ADAD2: variants seen among roughly 807,000 people sequenced by gnomAD.
The protein encoded by ADAD2 is adenosine deaminase domain containing 2.
ADAD2 carries 60 observed loss-of-function variants against 54.5 expected under a neutral mutation model. That is an observed-to-expected ratio of 1.10 (90% CI 0.89 to 1.36). The LOEUF (loss-of-function observed/expected upper bound fraction) is 1.36, where lower values mean the gene tolerates loss of function less well. Ranked by LOEUF, ADAD2 falls within the 40% of genes most tolerant of loss-of-function variation. The pLI is 0.00. For synonymous variants in ADAD2, 543 were observed against 366.2 expected, an observed-to-expected ratio of 1.48 and a Z score of -5.51; for missense variants, 1,103 against 801.3, an observed-to-expected ratio of 1.38 and a Z score of -4.54.
rs771560993 is a variant in ADAD2, at chr16:84,195,956, C to G, written c.1194C>G (p.Asp398Glu). ...DTHVGCLSASDKLARWAVLGL... is the reference protein window; with the variant it reads ...DTHVGCLSASEKLARWAVLGL... ...ACGTGGGCTGCCTGTCAGCCAGTGA[C>G]AAGCTGGCACGCTGGGCCGTGCTGG... Residue 398 changes from aspartate to glutamate, a missense_variant, in exon 7 of 10, where the codon GAC becomes GAG. Transcript: ENST00000315906. 6 of 1,599,126 alleles carry G rather than the reference C, an allele frequency of 3.8e-6. No individual in the cohort carries two copies. The Admixed American group carries it at 6.7e-5, about 18-fold the overall frequency.
intron 8 of ADAD2, 114 bp downstream of exon 8, chr16:84,196,484 CG>C: frequency 4.9e-6 from 3 of 606,630 alleles, no homozygotes; most frequent in Non-Finnish European, 6.8e-6. Flanking sequence ...TCAACCCCTT[CG>C]CTCAACCCCT....
rs200913346 is a variant in ADAD2 at position 84,196,710 on chromosome 16, G to A, written c.1590G>A (p.Ala530=). 285 of 1,613,150 alleles carry A rather than the reference G, an allele frequency of 1.8e-4. No homozygotes were observed. Among genetic ancestry groups the A allele is most frequent in the Non-Finnish European group, 2.3e-4 (270 of 1,179,970 alleles). ...KASFLRAFHQ[A]ARAVGKPYLL... is the part of the protein sequence containing the mutation. ...CCTTTCTCCGGGCCTTTCACCAGGC[G>A]GCCAGGGCTGTGGGGAAGCCCTACC... is the stretch of plus-strand genomic sequence containing the variant. Residue 530 remains alanine, a synonymous_variant, in exon 9 of 10, where the codon GCG becomes GCA. Coordinates refer to ENST00000315906, the MANE Select transcript of ADAD2 (RefSeq NM_001145400.2).
rs140974080 is a variant in ADAD2 at position 84,195,457 on chromosome 16, G to C, written c.884+11G>C. ...CAGGGCCCTGCTGAGGTGAGGGGCA[G>C]TGGGGTGGGCGCCTGATAGCAGCCT... On this transcript the variant is annotated intron_variant, in intron 5 of 9. Coordinates refer to ENST00000315906, the MANE Select transcript of ADAD2 (RefSeq NM_001145400.2). The C allele has an allele frequency of 8.3e-3, 13,414 of 1,607,784 alleles. 91 individuals are homozygous for C. Among genetic ancestry groups the C allele is most frequent in the South Asian group, 0.015 (1,401 of 90,976 alleles).
chr16:84,194,158 A>C (rs1450528315), intron 1 of ADAD2: 2 of 1,608,042 alleles, frequency 1.2e-6, no homozygotes, highest in Non-Finnish European at 1.7e-6. Context: ...AAGTTGGGCA[A>C]ACCGCCTGCC....
In ADAD2 at chr16:84,195,350, G is replaced by T. The variant is rs368081580; in HGVS notation, c.788G>T (p.Gly263Val). 14 of 1,609,262 alleles carry T rather than the reference G, an allele frequency of 8.7e-6. No individual in the cohort carries two copies. Among genetic ancestry groups the T allele is most frequent in the Non-Finnish European group, 1.1e-5 (13 of 1,179,506 alleles). Residue 263 changes from glycine (G) to valine (V), a missense_variant, in exon 5 of 10, where the codon GGC (glycine) becomes GTC (valine). Transcript: ENST00000315906. ...VKEIYKLVAL[G>V]TGSSCCAGWL... is the part of the protein sequence containing the mutation. Reference sequence around the variant, plus strand: ...GAGATCTACAAGCTGGTGGCTCTGGGCACCGGCAGCAGCTGCTGTGCTGGC... The same window carrying T: ...GAGATCTACAAGCTGGTGGCTCTGGTCACCGGCAGCAGCTGCTGTGCTGGC...
Position 84,194,442 on chromosome 16 carries a change from G to C in ADAD2, c.419G>C (p.Gly140Ala). The C allele has an allele frequency of 6.2e-7, 1 of 1,603,632 alleles. No individual in the cohort carries two copies. The highest frequency in any genetic ancestry group is 8.5e-7 in the Non-Finnish European group (1 of 1,178,918). Residue 140 changes from glycine to alanine, a missense_variant and splice_region_variant, in exon 2 of 10, where the codon GGT becomes GCT. Physicochemically the swap from Gly to Ala is moderately conservative, Grantham distance 60 (BLOSUM62 0). Coordinates refer to ENST00000315906, the MANE Select transcript of ADAD2 (RefSeq NM_001145400.2). ...CTTCCTCACCTGGCTCCTTCCCCAG[G>C]TCCCTGCTTCCCCTTCTCGGTGAGC... The part of the protein sequence containing the change: ...FLLFREDQPP[G>A]PCFPFSVSAE...
chr16:84,194,030 C>G (rs771692615), intron 1 of ADAD2: 2 of 1,601,902 alleles, frequency 1.2e-6, no homozygotes, highest in South Asian at 1.1e-5. Context: ...TATAGAGCCC[C>G]TGGAGGAGAG....
chr16:84,194,349 G>A (rs533418464), intron 1 of ADAD2, 93 bp from the exon 2 acceptor site: 19 of 1,546,084 alleles, frequency 1.2e-5, no homozygotes, highest in Middle Eastern at 1.7e-4. Context: ...TATTCTGACC[G>A]TCCTCGATAT....
chr16:84,195,141 G>A lies in ADAD2; in HGVS notation c.680G>A (p.Arg227His), dbSNP rs554042037. Residue 227 changes from arginine to histidine, a missense_variant, in exon 4 of 10, where the codon CGC becomes CAC. By Grantham distance (29) the Arg-to-His change is conservative. Coordinates refer to ENST00000315906, the MANE Select transcript of ADAD2 (RefSeq NM_001145400.2). ...SAGFDLLLDE[R>H]SPYWACKGTV... Reference sequence around the variant, plus strand: ...GGCTTTGACCTCCTGTTGGACGAGCGCTCGCCATACTGGGCCTGTAAGGGG... The same window carrying A: ...GGCTTTGACCTCCTGTTGGACGAGCACTCGCCATACTGGGCCTGTAAGGGG... 46 of 1,613,582 alleles carry A rather than the reference G, an allele frequency of 2.9e-5. No homozygotes were observed. The East Asian group carries it at 7.1e-4, about 25-fold the overall frequency.
intron 1 of ADAD2, among the ~76,000 whole-genome samples, chr16:84,192,170 G>T (rs543535258): frequency 6.6e-6 from 1 of 152,016 alleles, no homozygotes; most frequent in Non-Finnish European, 1.5e-5. Flanking sequence ...TTTGAGACAG[G>T]GTCTTACTCT....
In ADAD2 at chr16:84,194,505, C is replaced by A. The variant is rs577228328; in HGVS notation, c.482C>A (p.Ala161Glu). 6 of 1,612,212 alleles carry A rather than the reference C, an allele frequency of 3.7e-6. No homozygotes were observed. The highest frequency in any genetic ancestry group is 1.3e-5 in the African/African-American group (1 of 75,000). ...LDGVVCPAGT[A>E]NSKTEAKQQA... Reference sequence around the variant, plus strand: ...GGGGTGGTCTGCCCTGCGGGCACTGCGAATAGCAAGACGGAGGCCAAACAG... The same window carrying A: ...GGGGTGGTCTGCCCTGCGGGCACTGAGAATAGCAAGACGGAGGCCAAACAG... The change falls in exon 2 of 10, where the codon GCG (alanine) becomes GAG (glutamate). Residue 161 changes from alanine to glutamate, a missense_variant. Ala to Glu is a moderately radical substitution (Grantham distance 107). Coordinates refer to ENST00000315906, the MANE Select transcript of ADAD2 (RefSeq NM_001145400.2).
chr16:84,194,688 G>A (rs2151327458), intron 2 of ADAD2, 106 bp downstream of exon 2: 2 of 1,522,236 alleles, frequency 1.3e-6, no homozygotes, highest in East Asian at 2.4e-5. Flanking sequence ...AGCAGGAGGT[G>A]GGTTGCTGTA....
At position 84,194,562 on chromosome 16, in the gene ADAD2, G is replaced by A. The variant is rs759059385; in HGVS notation, c.539G>A (p.Arg180Gln). 86 of 1,605,472 alleles carry A rather than the reference G, an allele frequency of 5.4e-5. No homozygotes were observed. The highest frequency in any genetic ancestry group is 1.3e-4 in the African/African-American group (10 of 74,778). ...GCGCTCTCTGCCCTCTGCTACATCCGGAGTCAGCTGGAGAACCCAGGTAAT... is the reference window on the plus strand; with the variant it reads ...GCGCTCTCTGCCCTCTGCTACATCCAGAGTCAGCTGGAGAACCCAGGTAAT... ...QAALSALCYI[R>Q]SQLENPESPQ... The change falls in exon 2 of 10, where the codon CGG (arginine) becomes CAG (glutamine). Residue 180 changes from arginine (R) to glutamine (Q), a missense_variant. By Grantham distance (43) the Arg-to-Gln change is conservative (BLOSUM62 1). Transcript: ENST00000315906.
intron 1 of ADAD2, chr16:84,193,330 T>C (rs1465960973): frequency 6.6e-6 from 1 of 152,206 alleles, no homozygotes; most frequent in African/African-American, 2.4e-5. Flanking sequence ...CTCTTTAATC[T>C]CTTACCTGAA....
At chr16:84,196,466 C>A (rs1008727143) in intron 8 of ADAD2, 96 bp downstream of exon 8, 6 of 695,372 alleles carry the variant, frequency 8.6e-6, no homozygotes, top group South Asian at 7.4e-5. Context: ...CCAGCGCAAC[C>A]CCTTCGCTCA....
In ADAD2 at chr16:84,191,517, G is replaced by A. The variant is rs1268261033; in HGVS notation, c.287G>A (p.Arg96Lys). 6 of 1,545,350 alleles carry A rather than the reference G, an allele frequency of 3.9e-6. No homozygotes were observed. Among genetic ancestry groups the A allele is most frequent in the East Asian group, 2.4e-5 (1 of 40,906 alleles). Residue 96 changes from arginine to lysine, a missense_variant, in exon 1 of 10, where the codon AGG (arginine) becomes AAG (lysine). Arg to Lys is a conservative substitution (Grantham distance 26, BLOSUM62 2). Transcript: ENST00000315906. The part of the protein sequence containing the change: ...NLGEQMGKAP[R>K]VPVPPAGLSL... ...GGGGAACAGATGGGGAAGGCCCCGA[G>A]GGTCCCTGTGCCCCCAGCAGGGCTC...
At position 84,194,868 on chromosome 16, in the gene ADAD2, G is replaced by C. The variant is rs370103728; in HGVS notation, c.560-65G>C. The C allele has an allele frequency of 1.8e-3, 2,707 of 1,526,856 alleles. 72 individuals carry two copies. In the South Asian group the frequency reaches 0.031, roughly 18 times the overall value. 94.6% of individuals were successfully genotyped at this position (1,526,856 alleles called of 1,614,324 possible). ...AAAACTTCCTCTCCCCGCCTCCTTGGCTTCCTGAGGGACGGAGGGTGGGCC... is the reference window on the plus strand; with the variant it reads ...AAAACTTCCTCTCCCCGCCTCCTTGCCTTCCTGAGGGACGGAGGGTGGGCC... On this transcript the variant is annotated intron_variant, in intron 2 of 9. Coordinates refer to ENST00000315906, the MANE Select transcript of ADAD2 (RefSeq NM_001145400.2).
rs1459195784 is a variant in ADAD2, at chr16:84,196,521, C to T, written c.1527-126C>T. 11 of 1,548,588 alleles carry T rather than the reference C, an allele frequency of 7.1e-6. No homozygotes were observed. In the East Asian group the frequency reaches 2.3e-4, roughly 32 times the overall value. Reference sequence around the variant, plus strand: ...TCCTAGCTCCGTAGTGGTGGCCACACCTCTGTCTGCCCTGTGAGTCCTGTG... The same window carrying T: ...TCCTAGCTCCGTAGTGGTGGCCACATCTCTGTCTGCCCTGTGAGTCCTGTG... On this transcript the variant is annotated intron_variant, in intron 8 of 9. Coordinates refer to ENST00000315906, the MANE Select transcript of ADAD2 (RefSeq NM_001145400.2).
In ADAD2 at chr16:84,195,705, G is replaced by T. The variant is rs1413192864; in HGVS notation, c.1052+8G>T. ...CGCGGCCCGTGACATCTAGTATGCA[G>T]GGCCCCCGGGGCAGGCGGGGGATGG... On this transcript the variant is annotated splice_region_variant and intron_variant, in intron 6 of 9. Transcript: ENST00000315906. 6.5e-7 allele frequency: 1 copy of T among 1,535,466 alleles called. No homozygotes were observed. The highest frequency in any genetic ancestry group is 8.7e-7 in the Non-Finnish European group (1 of 1,143,198).
Sources: gnomAD v4.1 joint callset for allele counts (sites outside exome capture counted in the v4.1 genomes callset) on GRCh38, gnomAD v4.1.1 for gene constraint, MANE v1.5 for transcripts, NCBI Gene and HGNC (gene_info 2026-07-23, HGNC 2026-07-21) for gene names.